ZNF708: variants seen among roughly 807,000 people sequenced by gnomAD.
The protein encoded by ZNF708 is zinc finger protein 708.
In ZNF708, 44 loss-of-function variants were observed where a neutral mutation model predicts 47.0. The observed-to-expected ratio is 0.94, with a 90% confidence interval of 0.74 to 1.20. The LOEUF (loss-of-function observed/expected upper bound fraction) is 1.20, where lower values mean the gene tolerates loss of function less well. Ranked by LOEUF, ZNF708 falls within the 50% of genes most tolerant of loss-of-function variation. The pLI, the probability that ZNF708 is intolerant of heterozygous loss-of-function variation, is 0.00. For missense variants in ZNF708, 557 were observed against 656.0 expected, an observed-to-expected ratio of 0.85 and a Z score of 1.65; for synonymous variants, 184 against 218.5, an observed-to-expected ratio of 0.84 and a Z score of 1.39.
rs1294379651 is a variant in ZNF708, at chr19:21,293,290, G to C, written c.1676C>G (p.Pro559Arg). 2 of 1,606,354 alleles carry C rather than the reference G, an allele frequency of 1.2e-6. No homozygotes were observed. The highest frequency in any genetic ancestry group is 2.2e-5 in the East Asian group (1 of 44,744). The change falls in exon 4 of 4, where the codon CCC becomes CGC. Residue 559 changes from proline to arginine, a missense_variant. Coordinates refer to ENST00000356929, the MANE Select transcript of ZNF708 (RefSeq NM_021269.3). ...TTTGACACATTATTTACATTTGTAG[G>C]GTTTCTCTTTGGTATGAATTCTCTT... Reference protein sequence around the residue: ...KHKRIHTKEKPYKCK With the variant: ...KHKRIHTKEKRYKCK
Position 21,291,775 on chromosome 19 carries a change from G to A in ZNF708, c.*1499C>T, listed in dbSNP as rs1308070586. On this transcript the variant is annotated 3_prime_UTR_variant, in exon 4 of 4. Coordinates refer to ENST00000356929, the MANE Select transcript of ZNF708 (RefSeq NM_021269.3). ...AGCTACTCAGTAGGCTGAGGCAGGAGAATTGCTTGAACCCAGGAGGCAGAG... is the reference window on the plus strand; with the variant it reads ...AGCTACTCAGTAGGCTGAGGCAGGAAAATTGCTTGAACCCAGGAGGCAGAG... 1 of 152,342 alleles carries A rather than the reference G, an allele frequency of 6.6e-6. No individual in the cohort carries two copies. The highest frequency in any genetic ancestry group is 1.5e-5 in the Non-Finnish European group (1 of 68,166). The allele number at this position is 152,342 out of a possible 1,614,324, so 9.4% of individuals were successfully genotyped here. A position where few individuals can be genotyped will look rare whatever the true frequency, so the allele number is the denominator to read the frequency against.
chr19:21,302,576 G>C (rs1972681821), intron 3 of ZNF708, among the ~76,000 whole-genome samples: 1 of 152,026 alleles, frequency 6.6e-6, no homozygotes, highest in Non-Finnish European at 1.5e-5. Context: ...GCAGGTACCT[G>C]TAAGCCCAGG....
intron 3 of ZNF708, among the ~76,000 whole-genome samples, chr19:21,300,382 T>G (rs1972631626): frequency 6.6e-6 from 1 of 151,772 alleles, no homozygotes; most frequent in African/African-American, 2.4e-5. Flanking sequence ...GGTACATGCC[T>G]GTAATCCCAG....
intron 1 of ZNF708, among the ~76,000 whole-genome samples, chr19:21,324,337 G>A (rs1054898322): frequency 6.6e-6 from 1 of 152,220 alleles, no homozygotes; most frequent in Non-Finnish European, 1.5e-5. Context: ...GGAGGCCGAG[G>A]CGGGCAGATC....
chr19:21,307,954 T>C lies in ZNF708; in HGVS notation c.226+1292A>G, dbSNP rs570948910. 5.9e-5 allele frequency among the ~76,000 whole-genome samples: 9 copies of C among 152,180 alleles called. No homozygotes were observed. In the South Asian group the frequency reaches 1.9e-3, roughly 32 times the overall value. On this transcript the variant is annotated intron_variant, in intron 3 of 3. Coordinates refer to ENST00000356929, the MANE Select transcript of ZNF708 (RefSeq NM_021269.3). ...ACTCAACTTATAAGTTATCATTCTA[T>C]AAACCTAAATTGTCTAATAAAATAA...
chr19:21,299,127 G>A (rs1352181141), intron 3 of ZNF708, among the ~76,000 whole-genome samples: 2 of 152,166 alleles, frequency 1.3e-5, no homozygotes, highest in Admixed American at 1.3e-4. Flanking sequence ...GGGCCGAGGC[G>A]GGTGGATCAC....
intron 3 of ZNF708, chr19:21,306,965 TAAC>T (rs1336041250): frequency 7.2e-6 from 1 of 138,664 alleles, no homozygotes; most frequent in African/African-American, 2.8e-5. Flanking sequence ...TAACATAACA[TAAC>T]ATAACATAAC....
chr19:21,309,460 C>T (rs1411777262), intron 2 of ZNF708, 119 bp from the exon 3 acceptor site: 3 of 981,404 alleles, frequency 3.1e-6, no homozygotes, highest in Non-Finnish European at 4.2e-6. Flanking sequence ...GTAATCCCAG[C>T]ACTCTGAGAG....
chr19:21,303,433 A>G (rs6511222), intron 3 of ZNF708, among the ~76,000 whole-genome samples: 84,706 of 151,894 alleles, frequency 0.56, 23,896 homozygotes, highest in Middle Eastern at 0.68. Context: ...ACATGCCTGT[A>G]ATCCCAGCTA....
At chr19:21,320,226 T>C (rs1291425437) in intron 1 of ZNF708, among the ~76,000 whole-genome samples, 2 of 151,786 alleles carry the variant, frequency 1.3e-5, no homozygotes, top group Non-Finnish European at 2.9e-5. Flanking sequence ...AAAAGCAGAA[T>C]TACCATTTGA....
rs189030857 is a variant in ZNF708, at chr19:21,293,505, C to T, written c.1461G>A (p.Leu487=). The change falls in exon 4 of 4, where the codon CTG becomes CTA. Residue 487 remains leucine, a synonymous_variant. Coordinates refer to ENST00000356929, the MANE Select transcript of ZNF708 (RefSeq NM_021269.3). ...TCTTATGTGTAGTAAGATGAGAGGACAGAATAAAGCTTTTGCCACATTCTT... is the reference window on the plus strand; with the variant it reads ...TCTTATGTGTAGTAAGATGAGAGGATAGAATAAAGCTTTTGCCACATTCTT... The part of the protein sequence containing the change: ...KCEECGKSFI[L]SSHLTTHKII... 2.5e-6 allele frequency: 4 copies of T among 1,612,516 alleles called. No individual in the cohort carries two copies. The highest frequency in any genetic ancestry group is 2.2e-5 in the South Asian group (2 of 90,962).
chr19:21,326,125 C>T (rs967003094), intron 1 of ZNF708, among the ~76,000 whole-genome samples: 1 of 152,122 alleles, frequency 6.6e-6, no homozygotes, highest in Non-Finnish European at 1.5e-5. Context: ...GGAATGTAAA[C>T]TAGAAAAGCC....
intron 2 of ZNF708, 77 bp from the exon 3 acceptor site, chr19:21,309,418 A>G: frequency 7.4e-7 from 1 of 1,359,298 alleles, no homozygotes; most frequent in East Asian, 3.1e-5. Flanking sequence ...CTCAGTAAAG[A>G]GAATGTAGGC....
intron 1 of ZNF708, among the ~76,000 whole-genome samples, chr19:21,326,812 T>C (rs1383124874): frequency 6.6e-6 from 1 of 152,082 alleles, no homozygotes; most frequent in Non-Finnish European, 1.5e-5. Flanking sequence ...CGCCCACCTG[T>C]AATTCTAGCT....
chr19:21,310,359 C>A (rs1972871185), intron 2 of ZNF708, 142 bp downstream of exon 2: 1 of 253,920 alleles, frequency 3.9e-6, no homozygotes, highest in Non-Finnish European at 7.0e-6. Context: ...GCAGGAGAAT[C>A]TCTTGAACCC....
chr19:21,313,586 C>T (rs112996833), intron 1 of ZNF708, among the ~76,000 whole-genome samples: 17 of 151,708 alleles, frequency 1.1e-4, no homozygotes, highest in Admixed American at 4.6e-4. Context: ...GGTGAAGCCC[C>T]GTCTCTACTA....
At chr19:21,311,757 T>C (rs1262555319) in intron 1 of ZNF708, among the ~76,000 whole-genome samples, 1 of 152,080 alleles carries the variant, frequency 6.6e-6, no homozygotes, top group Non-Finnish European at 1.5e-5. Flanking sequence ...CGCTGCACCA[T>C]GGAAATAAAG....
In ZNF708 at chr19:21,291,201, C is replaced by T. The variant is rs1042351406; in HGVS notation, c.*2073G>A. On this transcript the variant is annotated 3_prime_UTR_variant, in exon 4 of 4. Coordinates refer to ENST00000356929, the MANE Select transcript of ZNF708 (RefSeq NM_021269.3). ...TACTGCATTTTATTACATAAAAGTA[C>T]AAATAGTAAAATAACGTACTAATTT... The T allele has an allele frequency of 1.5e-4, 14 of 95,090 alleles. No individual in the cohort carries two copies. Among genetic ancestry groups the T allele is most frequent in the African/African-American group, 5.4e-4 (14 of 26,146 alleles). 5.9% of individuals were successfully genotyped at this position (95,090 alleles called of 1,614,324 possible). A position where few individuals can be genotyped will look rare whatever the true frequency, so the allele number is the denominator to read the frequency against.
At chr19:21,329,114 A>T in intron 1 of ZNF708, 96 bp downstream of exon 1, 1 of 1,543,216 alleles carries the variant, frequency 6.5e-7, no homozygotes, top group East Asian at 2.3e-5. Context: ...CAGATTGTGG[A>T]GATGACTGCG....
Sources: gnomAD v4.1 joint callset for allele counts (sites outside exome capture counted in the v4.1 genomes callset) on GRCh38, gnomAD v4.1.1 for gene constraint, MANE v1.5 for transcripts, NCBI Gene and HGNC (gene_info 2026-07-23, HGNC 2026-07-21) for gene names.